Variants in HMCN2 observed in about 807,000 individuals in gnomAD.
HMCN2 encodes the protein hemicentin 2.
In HMCN2, 325 loss-of-function variants were observed where a neutral mutation model predicts 377.5. The ratio of observed to expected loss-of-function variants is 0.86; its 90% CI spans 0.79 to 0.94. The LOEUF is 0.94. HMCN2 is among the 40% of genes least tolerant of loss of function. The pLI is 0.00. For missense variants in HMCN2, 4,543 were observed against 4,725.3 expected, an observed-to-expected ratio of 0.96 and a Z score of 1.13; for synonymous variants, 2,007 against 2,046.8, an observed-to-expected ratio of 0.98 and a Z score of 0.53.
chr9:130,422,002 T>C lies in HMCN2; in HGVS notation c.13232-575T>C, dbSNP rs1025314534. ...GTCAGAGGAAGCACCCCCCTGTGCC[T>C]GCATCATCCGTTTGATTAGCGCTAA... On this transcript the variant is annotated intron_variant, in intron 86 of 97. Transcript: ENST00000683500. This position sits in a 1 kb window ranked among gnomAD's most constrained non-coding sequence, Gnocchi z 4.2. 6.6e-6 allele frequency among the ~76,000 whole-genome samples: 1 copy of C among 152,242 alleles called. No individual in the cohort carries two copies. Among genetic ancestry groups the C allele is most frequent in the Non-Finnish European group, 1.5e-5 (1 of 68,038 alleles).
At chr9:130,417,409 C>T (rs1248307230) in intron 85 of HMCN2, among the ~76,000 whole-genome samples, 1 of 151,492 alleles carries the variant, frequency 6.6e-6, no homozygotes, top group East Asian at 2.0e-4. Flanking sequence ...GTAATCCCAG[C>T]TACTCAGGAG....
intron 28 of HMCN2, 147 bp from the exon 29 acceptor site, chr9:130,349,390 T>G: frequency 1.0e-6 from 1 of 966,336 alleles, no homozygotes; most frequent in Non-Finnish European, 1.4e-6. Context: ...GAGCAAGCCC[T>G]TCTGGCCAGG....
chr9:130,350,787 TC>T (rs1839671022), intron 29 of HMCN2, among the ~76,000 whole-genome samples: 1 of 151,350 alleles, frequency 6.6e-6, no homozygotes, highest in South Asian at 2.1e-4. Context: ...TCTCCTGTAG[TC>T]TCCGCTACTT....
chr9:130,379,612 G>C (rs553559484), intron 54 of HMCN2, 145 bp downstream of exon 54: 1 of 219,138 alleles, frequency 4.6e-6, no homozygotes, highest in East Asian at 1.8e-4. Context: ...CCTGTGTGAA[G>C]GCAAAGACTG....
intron 2 of HMCN2, 112 bp from the exon 3 acceptor site, chr9:130,285,046 G>A (rs1258745499): frequency 5.1e-6 from 2 of 395,756 alleles, no homozygotes; most frequent in Non-Finnish European, 5.3e-6. Flanking sequence ...TGGGTGGGCA[G>A]GAGGTGACAG....
chr9:130,330,911 C>T (rs1009390695), intron 22 of HMCN2, among the ~76,000 whole-genome samples: 3 of 151,454 alleles, frequency 2.0e-5, no homozygotes, highest in Non-Finnish European at 2.9e-5. Context: ...AGGCGGATCA[C>T]GAGGTCAGGA....
chr9:130,430,248 C>A, intron 94 of HMCN2, 36 bp from the exon 95 acceptor site: 9 of 1,479,010 alleles, frequency 6.1e-6, no homozygotes, highest in South Asian at 1.3e-5. Flanking sequence ...GGAACCTGGG[C>A]CACCTGTGCA....
chr9:130,431,383 C>T lies in HMCN2; in HGVS notation c.14664C>T (p.Arg4888=), dbSNP rs1049681572. The change falls in exon 96 of 98, where the codon CGC becomes CGT. Residue 4888 remains arginine (R), a synonymous_variant. Coordinates refer to ENST00000683500, the MANE Select transcript of HMCN2 (RefSeq NM_001291815.2). The part of the protein sequence containing the change: ...NGVCTDLDEC[R]VRNLCQHACR... ...CCGGGCCAGACCTTGACGAGTGCCG[C>T]GTGAGGAACCTGTGTCAGCACGCCT... is the stretch of plus-strand genomic sequence containing the variant. The T allele has an allele frequency of 2.2e-5, 34 of 1,549,812 alleles. No homozygotes were observed. In the East Asian group the frequency reaches 2.2e-4, roughly 10 times the overall value.
At chr9:130,363,899 G>A (rs1233493664) in intron 40 of HMCN2, among the ~76,000 whole-genome samples, 1 of 92,112 alleles carries the variant, frequency 1.1e-5, no homozygotes, top group African/African-American at 3.2e-5. Flanking sequence ...GAAGGAGAGA[G>A]GGAGAGAGAA....
At chr9:130,358,054 T>C (rs1840144695) in intron 35 of HMCN2, 66 bp downstream of exon 35, 1 of 1,225,244 alleles carries the variant, frequency 8.2e-7, no homozygotes, top group Non-Finnish European at 1.1e-6. Context: ...CTCTGGGGGC[T>C]TCCTGGAGAC....
In HMCN2 at chr9:130,393,323, G is replaced by A; in HGVS notation, c.10234+14G>A. 1.0e-6 allele frequency: 1 copy of A among 990,608 alleles called. No individual in the cohort carries two copies. Among genetic ancestry groups the A allele is most frequent in the Non-Finnish European group, 1.2e-6 (1 of 831,516 alleles). The allele number at this position is 990,608 out of a possible 1,614,324, so 61.4% of individuals were successfully genotyped here. ...TGCAGGTGCAGGGTATGGAGCAGGG[G>A]GTGGGGCAAGGGGGTCTCTGGCCTT... On this transcript the variant is annotated intron_variant, in intron 67 of 97. Transcript: ENST00000683500. The surrounding 1 kb of genome is among the most constrained non-coding windows in gnomAD (Gnocchi z 5.2).
At chr9:130,387,434 G>A (rs7855331) in intron 61 of HMCN2, among the ~76,000 whole-genome samples, 22,333 of 152,146 alleles carry the variant, frequency 0.15, 2,069 homozygotes, top group African/African-American at 0.27. Context: ...TTAGGGTGTT[G>A]TTCTTGTGCA....
chr9:130,317,467 A>ATCTCTCTCTCTCTCTC (rs1177875902), intron 15 of HMCN2, among the ~76,000 whole-genome samples: 40 of 123,454 alleles, frequency 3.2e-4, no homozygotes, highest in Non-Finnish European at 5.4e-4. Flanking sequence ...AGACCCCACC[A>ATCTCTCTCTCTCTCTC]TCTCTCTCTC....
chr9:130,277,357 T>C (rs1377988424), intron 1 of HMCN2, among the ~76,000 whole-genome samples: 1 of 152,178 alleles, frequency 6.6e-6, no homozygotes, highest in African/African-American at 2.4e-5. Flanking sequence ...CCACCCTCAG[T>C]CCTGAATCTC....
intron 57 of HMCN2, among the ~76,000 whole-genome samples, chr9:130,384,016 G>T (rs967000756): frequency 5.3e-5 from 8 of 152,180 alleles, no homozygotes; most frequent in Non-Finnish European, 7.3e-5. Context: ...CCTAACCTCT[G>T]CAACTCATGA....
At position 130,393,954 on chromosome 9, in the gene HMCN2, G is replaced by A. The variant is rs1231105597; in HGVS notation, c.10447G>A (p.Val3483Met). ...GAGDSGTYSC[V>M]AVSEAGEARR... Reference sequence around the variant, plus strand: ...TGGTGACTCGGGGACCTACTCCTGTGTGGCCGTGAGCGAGGCGGGGGAAGC... The same window carrying A: ...TGGTGACTCGGGGACCTACTCCTGTATGGCCGTGAGCGAGGCGGGGGAAGC... Residue 3483 changes from valine (V) to methionine (M), a missense_variant, in exon 68 of 98, where the codon GTG becomes ATG. This residue lies in a region of HMCN2 where 1,073 missense variants were observed against 1,319.5 expected (regional missense o/e 0.81). Coordinates refer to ENST00000683500, the MANE Select transcript of HMCN2 (RefSeq NM_001291815.2). The surrounding 1 kb of genome is among the most constrained non-coding windows in gnomAD (Gnocchi z 5.2). 7.8e-7 allele frequency: 1 copy of A among 1,287,054 alleles called. No homozygotes were observed. Among genetic ancestry groups the A allele is most frequent in the Admixed American group, 2.3e-5 (1 of 43,154 alleles). 79.7% of individuals were successfully genotyped at this position (1,287,054 alleles called of 1,614,324 possible).
intron 22 of HMCN2, among the ~76,000 whole-genome samples, chr9:130,332,700 C>T (rs1013613467): frequency 1.2e-3 from 178 of 152,342 alleles, no homozygotes; most frequent in African/African-American, 4.1e-3. Flanking sequence ...GGCCTCCTCA[C>T]GGGTCTGCGA....
At chr9:130,365,203 C>T (rs1012698981) in intron 41 of HMCN2, among the ~76,000 whole-genome samples, 3 of 152,268 alleles carry the variant, frequency 2.0e-5, no homozygotes, top group African/African-American at 7.2e-5. Flanking sequence ...AAAGCCACAG[C>T]CTAGCCCCAG....
chr9:130,294,019 G>T (rs574957569), intron 4 of HMCN2, among the ~76,000 whole-genome samples: 2 of 152,266 alleles, frequency 1.3e-5, no homozygotes, highest in African/African-American at 4.8e-5. Flanking sequence ...TAGCAGGCAG[G>T]GGGAGGCAGT....
Sources: allele counts gnomAD v4.1 joint callset (sites outside exome capture counted in the v4.1 genomes callset), GRCh38; gene constraint gnomAD v4.1.1; regional missense constraint gnomAD v4.1.1; non-coding constraint Gnocchi (gnomAD v3.1); transcripts MANE v1.5; gene names NCBI Gene and HGNC (gene_info 2026-07-23, HGNC 2026-07-21).